Variants in TTC21B observed in about 807,000 individuals in gnomAD.
TTC21B encodes tetratricopeptide repeat protein 21B.
In TTC21B, 127 loss-of-function variants were observed where a neutral mutation model predicts 175.1. The observed-to-expected ratio is 0.73, with a 90% CI of 0.63 to 0.84. The LOEUF (loss-of-function observed/expected upper bound fraction) is 0.84. Among genes scored for constraint, TTC21B ranks in the 40% least tolerant of loss-of-function variants. The pLI is 0.00. For missense variants in TTC21B, 1,561 were observed against 1,558.3 expected (o/e 1.00, Z -0.03); for synonymous variants, 524 against 524.5 (o/e 1.00, Z 0.01).
intron 4 of TTC21B, 41 bp from the exon 5 acceptor site, chr2:165,943,382 A>G: frequency 3.3e-6 from 5 of 1,499,914 alleles, no homozygotes; most frequent in Non-Finnish European, 4.6e-6. Context: ...TTTAGAAATG[A>G]GAGAAATAAA....
Position 165,901,772 on chromosome 2 carries a change from C to G in TTC21B, c.2707G>C (p.Ala903Pro). The G allele has an allele frequency of 1.2e-6, 2 of 1,614,128 alleles. No individual in the cohort carries two copies. The highest frequency in any genetic ancestry group is 1.7e-6 in the Non-Finnish European group (2 of 1,180,006). ...HSVAQRDYEK[A>P]IKFYREALVH... ...AGAGCCTCTCTATAAAACTTAATTG[C>G]TTTTTCATAGTCTCGCTGAGCAACA... is the stretch of plus-strand genomic sequence containing the variant. The change falls in exon 20 of 29, where the codon GCA becomes CCA. Residue 903 changes from alanine (A) to proline (P), a missense_variant. Ala to Pro is a conservative substitution (Grantham distance 27). Transcript: ENST00000243344.
chr2:165,953,567 G>T, intron 1 of TTC21B, 118 bp downstream of exon 1: 2 of 1,492,762 alleles, frequency 1.3e-6, no homozygotes, highest in Non-Finnish European at 1.8e-6. Flanking sequence ...CCGGGGCACC[G>T]CAGGGAAACA....
At chr2:165,930,770 A>AGTGTGTGTGTGTGTGTG (rs1553514267) in intron 8 of TTC21B, among the ~76,000 whole-genome samples, 1 of 97,024 alleles carries the variant, frequency 1.0e-5, no homozygotes. Flanking sequence ...TGTGTGTATA[A>AGTGTGTGTGTGTGTGTG]TATATGTATG....
chr2:165,879,194 T>C (rs896872416), intron 27 of TTC21B, among the ~76,000 whole-genome samples: 28 of 152,252 alleles, frequency 1.8e-4, no homozygotes, highest in African/African-American at 6.7e-4. Context: ...ATGAAAGAAC[T>C]AGTCATTTGG....
chr2:165,947,658 AAC>A (rs1687630790), intron 3 of TTC21B: 1 of 152,190 alleles, frequency 6.6e-6, no homozygotes, highest in Non-Finnish European at 1.5e-5. Flanking sequence ...AATCAGCTCT[AAC>A]ACCGTCTGCA....
intron 19 of TTC21B, among the ~76,000 whole-genome samples, chr2:165,905,554 A>G (rs1463479631): frequency 6.6e-6 from 1 of 152,192 alleles, no homozygotes; most frequent in Non-Finnish European, 1.5e-5. Flanking sequence ...GAAATGAAGA[A>G]GGCCATTTTA....
intron 12 of TTC21B, among the ~76,000 whole-genome samples, chr2:165,921,038 G>A (rs1218300004): frequency 6.6e-6 from 1 of 152,130 alleles, no homozygotes; most frequent in Non-Finnish European, 1.5e-5. Flanking sequence ...TTTCCCTCAT[G>A]TTAGGGATTT....
chr2:165,921,788 C>CTTT (rs569807955), intron 12 of TTC21B, among the ~76,000 whole-genome samples: 1,509 of 129,014 alleles, frequency 0.012, 32 homozygotes, highest in African/African-American at 0.04. Context: ...GCTGCTCTTC[C>CTTT]TTTTTTTTTT....
intron 11 of TTC21B, among the ~76,000 whole-genome samples, chr2:165,927,348 T>G (rs1289237774): frequency 1.2e-5 from 1 of 86,488 alleles, no homozygotes; most frequent in African/African-American, 3.9e-5. Context: ...AATATATATA[T>G]AATATATTTT....
chr2:165,880,281 C>T (rs1050203362), intron 27 of TTC21B, among the ~76,000 whole-genome samples: 3 of 152,174 alleles, frequency 2.0e-5, no homozygotes, highest in East Asian at 1.9e-4. Context: ...TGATATCCAT[C>T]GCAATATACG....
intron 22 of TTC21B, among the ~76,000 whole-genome samples, chr2:165,897,246 A>G (rs1339179144): frequency 6.6e-6 from 1 of 152,154 alleles, no homozygotes; most frequent in African/African-American, 2.4e-5. Context: ...TAGGCTAGGG[A>G]TGGAAACACA....
intron 27 of TTC21B, among the ~76,000 whole-genome samples, chr2:165,878,455 C>T (rs1455688811): frequency 6.6e-6 from 1 of 151,972 alleles, no homozygotes; most frequent in Admixed American, 6.6e-5. Flanking sequence ...CTCATTGGAT[C>T]TCAGTTGTTC....
intron 5 of TTC21B, 112 bp downstream of exon 5, chr2:165,943,107 C>A: frequency 9.6e-7 from 1 of 1,044,170 alleles, no homozygotes; most frequent in Non-Finnish European, 1.5e-6. Context: ...TGTGAGCTGA[C>A]AACAGTATCA....
intron 6 of TTC21B, among the ~76,000 whole-genome samples, chr2:165,938,434 G>C (rs908351911): frequency 2.6e-5 from 4 of 152,084 alleles, no homozygotes; most frequent in African/African-American, 9.7e-5. Flanking sequence ...ATCACGAAAA[G>C]AGAGAGACAA....
intron 27 of TTC21B, among the ~76,000 whole-genome samples, chr2:165,878,112 T>C (rs938766830): frequency 2.0e-5 from 3 of 152,186 alleles, no homozygotes; most frequent in African/African-American, 7.2e-5. Flanking sequence ...TTAAAAATCA[T>C]ATAAAATACT....
At chr2:165,885,788 G>A (rs1027481790) in intron 25 of TTC21B, among the ~76,000 whole-genome samples, 1 of 152,204 alleles carries the variant, frequency 6.6e-6, no homozygotes, top group African/African-American at 2.4e-5. Flanking sequence ...AAGCAAACCT[G>A]AGTTCTAATC....
At position 165,935,576 on chromosome 2, in the gene TTC21B, T is replaced by TA. The variant is rs560114814; in HGVS notation, c.711-2520dup. Among the ~76,000 whole-genome samples the TA allele has an allele frequency of 4.4e-3, 668 of 151,906 alleles. 4 individuals carry two copies. The highest frequency in any genetic ancestry group is 0.015 in the African/African-American group (622 of 41,440). ...ATGTAGAAAATCTAAAAGAATCAAT[T>TA]AAAAAAAACTCCTGGAATCAACAAG... On this transcript the variant is annotated intron_variant, in intron 6 of 28. Transcript: ENST00000243344.
chr2:165,883,933 C>T lies in TTC21B; in HGVS notation c.3545G>A (p.Arg1182His), dbSNP rs199658616. 30 of 1,614,080 alleles carry T rather than the reference C, an allele frequency of 1.9e-5. No homozygotes were observed. The highest frequency in any genetic ancestry group is 4.4e-5 in the South Asian group (4 of 91,082). Residue 1182 changes from arginine to histidine, a missense_variant, in exon 26 of 29, where the codon CGT becomes CAT. By Grantham distance (29) the Arg-to-His change is conservative. Coordinates refer to ENST00000243344, the MANE Select transcript of TTC21B (RefSeq NM_024753.5). Reference sequence around the variant, plus strand: ...AGCATTCCAATTCATTTTCGCAATACGCTTCAGCTGGTTTCTGGCTCGTGG... The same window carrying T: ...AGCATTCCAATTCATTTTCGCAATATGCTTCAGCTGGTTTCTGGCTCGTGG... ...QTPRARNQLK[R>H]IAKMNWNAID...
At chr2:165,946,169 CAA>C (rs3032577) in intron 3 of TTC21B, among the ~76,000 whole-genome samples, 41,994 of 116,620 alleles carry the variant, frequency 0.36, 6,806 homozygotes, top group Non-Finnish European at 0.4. Context: ...ACTAAAGATA[CAA>C]AAAAAAAAAA....
Sources: gnomAD v4.1 joint callset for allele counts (sites outside exome capture counted in the v4.1 genomes callset) on GRCh38, gnomAD v4.1.1 for gene constraint, MANE v1.5 for transcripts, NCBI Gene and HGNC (gene_info 2026-07-23, HGNC 2026-07-21) for gene names.